ERBB4: variants seen among roughly 807,000 people sequenced by gnomAD.
The protein encoded by ERBB4 is receptor tyrosine-protein kinase erbB-4.
ERBB4 carries 42 observed loss-of-function variants against 158.0 expected under a neutral mutation model. The ratio of observed to expected loss-of-function variants is 0.27; its 90% CI spans 0.21 to 0.34. The LOEUF is 0.34. ERBB4 is among the 10% of genes least tolerant of loss of function. The pLI is 1.00. For synonymous variants in ERBB4, 583 were observed against 558.7 expected, an observed-to-expected ratio of 1.04 and a Z score of -0.61; for missense variants, 1,333 against 1,624.1, an observed-to-expected ratio of 0.82 and a Z score of 3.08.
At chr2:212,255,187 T>A (rs1022146453) in intron 1 of ERBB4, among the ~76,000 whole-genome samples, 6 of 152,164 alleles carry the variant, frequency 3.9e-5, no homozygotes, top group Admixed American at 1.3e-4. Context: ...TACTGTACTA[T>A]TAAGAGGAAA....
rs75016409 is a variant in ERBB4 at position 211,386,604 on chromosome 2, G to A, written c.3481+249C>T. ...ACTGATTGCTGTATGCAGATAGCCT[G>A]GGGATCTTGTTAAAATCCAGATTCC... On this transcript the variant is annotated intron_variant, in intron 27 of 27. Coordinates refer to ENST00000342788, the MANE Select transcript of ERBB4 (RefSeq NM_005235.3). Among the ~76,000 whole-genome samples the A allele has an allele frequency of 0.063, 9,640 of 152,148 alleles. 993 individuals carry two copies. Among genetic ancestry groups the A allele is most frequent in the African/African-American group, 0.22 (8,957 of 41,482 alleles).
chr2:212,191,653 G>GTGTTATGCCTGTTATATATAACA (rs1485135650), intron 1 of ERBB4, among the ~76,000 whole-genome samples: 2 of 101,130 alleles, frequency 2.0e-5, no homozygotes, highest in Non-Finnish European at 2.4e-5. Flanking sequence ...TATAACACAT[G>GTGTTATGCCTGTTATATATAACA]CGTTATACAT....
chr2:212,407,659 G>A (rs1256556051), intron 1 of ERBB4, among the ~76,000 whole-genome samples: 1 of 151,952 alleles, frequency 6.6e-6, no homozygotes, highest in Admixed American at 6.6e-5. Context: ...ATTTACTTGG[G>A]TATATACATG....
intron 20 of ERBB4, among the ~76,000 whole-genome samples, chr2:211,518,853 G>A (rs1422278908): frequency 6.6e-6 from 1 of 152,046 alleles, no homozygotes; most frequent in Non-Finnish European, 1.5e-5. Context: ...TGAAAATACA[G>A]GTAGAGTGTT....
At chr2:211,626,256 A>G (rs1287598995) in intron 17 of ERBB4, among the ~76,000 whole-genome samples, 3 of 152,206 alleles carry the variant, frequency 2.0e-5, no homozygotes, top group African/African-American at 7.2e-5. Context: ...GAATCACACC[A>G]TCTACCAAAG....
chr2:211,459,546 G>A (rs1468491990), intron 20 of ERBB4, among the ~76,000 whole-genome samples: 1 of 152,122 alleles, frequency 6.6e-6, no homozygotes, highest in Non-Finnish European at 1.5e-5. Context: ...TGAACCATGG[G>A]GGAGGTTTCC....
At chr2:212,022,133 A>T (rs1015928426) in intron 2 of ERBB4, among the ~76,000 whole-genome samples, 4 of 151,400 alleles carry the variant, frequency 2.6e-5, no homozygotes, top group Non-Finnish European at 5.9e-5. Context: ...AAATATTTAG[A>T]ACTGGAAATA....
At chr2:211,739,459 G>A (rs534537216) in intron 5 of ERBB4, among the ~76,000 whole-genome samples, 1 of 152,008 alleles carries the variant, frequency 6.6e-6, no homozygotes, top group Admixed American at 6.6e-5. Context: ...CAAACATCTG[G>A]CTATTTATTT....
intron 1 of ERBB4, among the ~76,000 whole-genome samples, chr2:212,403,445 C>T (rs956726209): frequency 1.3e-5 from 2 of 151,926 alleles, no homozygotes; most frequent in Non-Finnish European, 2.9e-5. Context: ...ATTTGTACTC[C>T]CATATTCATT....
chr2:211,996,073 A>T (rs1425189862), intron 2 of ERBB4, among the ~76,000 whole-genome samples: 1 of 152,274 alleles, frequency 6.6e-6, no homozygotes, highest in South Asian at 2.1e-4. Context: ...GGATATGTTC[A>T]TTCTACAGAA....
At chr2:212,385,488 A>T (rs573050304) in intron 1 of ERBB4, among the ~76,000 whole-genome samples, 1 of 151,930 alleles carries the variant, frequency 6.6e-6, no homozygotes, top group African/African-American at 2.4e-5. Context: ...CCCATACACG[A>T]TCACCTTTAT....
intron 19 of ERBB4, among the ~76,000 whole-genome samples, chr2:211,605,569 G>A (rs545144484): frequency 2.0e-5 from 3 of 152,004 alleles, no homozygotes; most frequent in Non-Finnish European, 4.4e-5. Context: ...ACCACATCTG[G>A]TTCAAAAGTG....
At chr2:211,491,155 G>A (rs1386211690) in intron 20 of ERBB4, among the ~76,000 whole-genome samples, 1 of 152,112 alleles carries the variant, frequency 6.6e-6, no homozygotes, top group Non-Finnish European at 1.5e-5. Flanking sequence ...GACTGATTCT[G>A]AAAAACTGAT....
intron 3 of ERBB4, among the ~76,000 whole-genome samples, chr2:211,874,101 T>G (rs1333682377): frequency 6.6e-6 from 1 of 151,962 alleles, no homozygotes; most frequent in East Asian, 1.9e-4. Flanking sequence ...GGAGACTGAG[T>G]CTGCAATGAG....
chr2:211,795,238 T>G (rs1392001926), intron 3 of ERBB4, among the ~76,000 whole-genome samples: 1 of 151,808 alleles, frequency 6.6e-6, no homozygotes, highest in African/African-American at 2.4e-5. Flanking sequence ...TAATACTGAA[T>G]CTAGTTGACT....
At chr2:211,887,376 T>G (rs1478146730) in intron 3 of ERBB4, among the ~76,000 whole-genome samples, 1 of 152,114 alleles carries the variant, frequency 6.6e-6, no homozygotes, top group Non-Finnish European at 1.5e-5. Context: ...ATTTTACATC[T>G]GTTAGAATCA....
intron 16 of ERBB4, among the ~76,000 whole-genome samples, chr2:211,645,959 T>C (rs757465771): frequency 8.6e-5 from 13 of 151,658 alleles, no homozygotes; most frequent in Non-Finnish European, 1.5e-4. Flanking sequence ...TTTTATAATT[T>C]GTAAAAGGCA....
intron 1 of ERBB4, among the ~76,000 whole-genome samples, chr2:212,321,853 C>T (rs79184224): frequency 6.7e-6 from 1 of 150,296 alleles, no homozygotes. Flanking sequence ...GGAATACCCA[C>T]CAAGACATAC....
At chr2:212,398,099 T>C (rs867523565) in intron 1 of ERBB4, among the ~76,000 whole-genome samples, 3 of 91,442 alleles carry the variant, frequency 3.3e-5, no homozygotes, top group African/African-American at 1.3e-4. Flanking sequence ...CTGATACATA[T>C]ATATGTGTGT....
Sources: allele counts gnomAD v4.1 joint callset (sites outside exome capture counted in the v4.1 genomes callset), GRCh38; gene constraint gnomAD v4.1.1; transcripts MANE v1.5; gene names NCBI Gene and HGNC (gene_info 2026-07-23, HGNC 2026-07-21).